The following AXDND1 variants were observed in gnomAD, a reference collection of about 807,000 sequenced individuals.
AXDND1 encodes axonemal dynein light chain domain containing 1, also known as axonemal dynein light chain domain-containing protein 1.
AXDND1 carries 110 observed loss-of-function variants against 137.5 expected under a neutral mutation model. The ratio of observed to expected loss-of-function variants is 0.80; its 90% CI spans 0.69 to 0.94. The LOEUF is 0.94. AXDND1 is among the 40% of genes least tolerant of loss of function. AXDND1 has a pLI of 0.00. For missense variants in AXDND1, 1,191 were observed against 1,169.8 expected, an observed-to-expected ratio of 1.02 and a Z score of -0.26; for synonymous variants, 414 against 399.7, an observed-to-expected ratio of 1.04 and a Z score of -0.43.
At chr1:179,409,966 A>G (rs1400743309) in intron 11 of AXDND1, among the ~76,000 whole-genome samples, 3 of 151,730 alleles carry the variant, frequency 2.0e-5, no homozygotes, top group African/African-American at 7.3e-5. Flanking sequence ...TTTTGCTTTT[A>G]CTGTTAAATT....
At position 179,488,728 on chromosome 1, in the gene AXDND1, CTCTCTCTCTCTTTCTTTT is replaced by C. The variant is rs1666492231; in HGVS notation, c.2092-2808_2092-2791del. On this transcript the variant is annotated intron_variant, in intron 18 of 25. Transcript: ENST00000367618. Reference sequence around the variant, plus strand: ...TCTCTGTCTCTCTCTCTCTTTCTTTCTCTCTCTCTCTTTCTTTTTTTTTTGAAATGGAGTCTCGCTCTG... The same window carrying C: ...TCTCTGTCTCTCTCTCTCTTTCTTTCTTTTTTGAAATGGAGTCTCGCTCTG... 2.2e-5 allele frequency among the ~76,000 whole-genome samples: 2 copies of C among 91,878 alleles called. 1 individual carries two copies. The highest frequency in any genetic ancestry group is 8.0e-5 in the African/African-American group (2 of 25,066). The allele number at this position is 91,878 out of a possible 152,430, so 60.3% of individuals were successfully genotyped here. A position where few individuals can be genotyped will look rare whatever the true frequency, so the allele number is the denominator to read the frequency against.
chr1:179,456,913 C>G, intron 16 of AXDND1: 1 of 1,154,888 alleles, frequency 8.7e-7, no homozygotes, highest in Non-Finnish European at 1.3e-6. Flanking sequence ...CTTTTCTTGC[C>G]ACTGCCTCAG....
chr1:179,541,302 C>T (rs1384447908), intron 25 of AXDND1, among the ~76,000 whole-genome samples: 1 of 152,192 alleles, frequency 6.6e-6, no homozygotes, highest in African/African-American at 2.4e-5. Context: ...AGGCGACGCC[C>T]TGCCCTGCTT....
intron 6 of AXDND1, among the ~76,000 whole-genome samples, chr1:179,381,241 CA>C (rs2125085820): frequency 6.6e-6 from 1 of 151,506 alleles, no homozygotes; most frequent in African/African-American, 2.4e-5. Flanking sequence ...AGGGTTTCAC[CA>C]TGTTAGCCAA....
intron 21 of AXDND1, among the ~76,000 whole-genome samples, chr1:179,524,249 T>C (rs1558302367): frequency 6.6e-6 from 1 of 152,228 alleles, no homozygotes; most frequent in Non-Finnish European, 1.5e-5. Flanking sequence ...TACTTTTAGT[T>C]CTTTAAGGAA....
At chr1:179,472,020 G>A (rs12139969) in intron 17 of AXDND1, among the ~76,000 whole-genome samples, 698 of 151,732 alleles carry the variant, frequency 4.6e-3, no homozygotes, top group Admixed American at 6.6e-3. Flanking sequence ...TCAGCCTCCC[G>A]AGTAGCTGGG....
chr1:179,370,981 C>A (rs1242420367), intron 4 of AXDND1, among the ~76,000 whole-genome samples: 1 of 152,176 alleles, frequency 6.6e-6, no homozygotes, highest in Non-Finnish European at 1.5e-5. Context: ...GAAACTTGTC[C>A]TATTGATTTT....
intron 9 of AXDND1, among the ~76,000 whole-genome samples, chr1:179,389,491 C>G (rs11807559): frequency 0.29 from 44,210 of 151,870 alleles, 6,635 homozygotes; most frequent in Non-Finnish European, 0.31. Flanking sequence ...GTATGTGCTC[C>G]CTTCTGGAAT....
chr1:179,462,548 A>T (rs1471719818), intron 16 of AXDND1, among the ~76,000 whole-genome samples: 1 of 152,176 alleles, frequency 6.6e-6, no homozygotes, highest in Admixed American at 6.5e-5. Context: ...TATCAGGATG[A>T]TTCTGGCCTC....
At chr1:179,439,284 C>G (rs1363520549) in intron 15 of AXDND1, among the ~76,000 whole-genome samples, 1 of 152,146 alleles carries the variant, frequency 6.6e-6, no homozygotes, top group Non-Finnish European at 1.5e-5. Flanking sequence ...TTAATAGAAC[C>G]AAGACCTAAT....
intron 16 of AXDND1, chr1:179,449,536 T>C (rs953363536): frequency 2.6e-5 from 4 of 153,660 alleles, no homozygotes; most frequent in African/African-American, 9.6e-5. Flanking sequence ...ATAATCAGCT[T>C]ATCAATTTCT....
At chr1:179,533,365 A>G (rs1671203707) in intron 23 of AXDND1, among the ~76,000 whole-genome samples, 1 of 152,186 alleles carries the variant, frequency 6.6e-6, no homozygotes, top group South Asian at 2.1e-4. Context: ...TAACGACTTC[A>G]TTGGATTTTG....
At chr1:179,366,747 A>G (rs1251987952) in intron 2 of AXDND1, 141 bp downstream of exon 2, 3 of 671,374 alleles carry the variant, frequency 4.5e-6, no homozygotes, top group Non-Finnish European at 7.6e-6. Context: ...AAATAAAGCA[A>G]GAAGTCATTC....
chr1:179,385,507 T>C lies in AXDND1; in HGVS notation c.863+148T>C, dbSNP rs1649056781. On this transcript the variant is annotated intron_variant, in intron 9 of 25. Transcript: ENST00000367618. ...AACTGCATTTTTTTTTCTTTTTTGT[T>C]AATATATGGAAAGGGTCTATAGCTT... The C allele has an allele frequency of 1.1e-5, 10 of 905,546 alleles. No homozygotes were observed. The East Asian group carries it at 2.6e-4, about 23-fold the overall frequency. 56.1% of individuals were successfully genotyped at this position (905,546 alleles called of 1,614,324 possible).
rs77833559 is a variant in AXDND1 at position 179,441,143 on chromosome 1, C to G, written c.1564-3827C>G. On this transcript the variant is annotated intron_variant, in intron 15 of 25. Transcript: ENST00000367618. The stretch of plus-strand genomic sequence containing the variant: ...GGGGCCCAAGTCCAGGCCCTTGTCT[C>G]GTTACCCGGCAGGAGAGTGCCATTC... Among the ~76,000 whole-genome samples the G allele has an allele frequency of 5.2e-3, 792 of 152,264 alleles. 8 individuals carry two copies. Among genetic ancestry groups the G allele is most frequent in the African/African-American group, 0.018 (749 of 41,534 alleles).
chr1:179,534,593 T>C, intron 24 of AXDND1, 137 bp from the exon 25 acceptor site: 25 of 1,114,116 alleles, frequency 2.2e-5, no homozygotes, highest in Non-Finnish European at 2.9e-5. Context: ...CAGTTAATCA[T>C]TGATGCTGTT....
chr1:179,509,807 T>G (rs1668860280), intron 21 of AXDND1, among the ~76,000 whole-genome samples: 1 of 148,864 alleles, frequency 6.7e-6, no homozygotes, highest in African/African-American at 2.4e-5. Context: ...GCCTCTTTAA[T>G]ATCTTCTCTA....
intron 16 of AXDND1, among the ~76,000 whole-genome samples, chr1:179,461,397 T>A (rs923812622): frequency 5.3e-5 from 8 of 152,130 alleles, no homozygotes; most frequent in African/African-American, 1.9e-4. Context: ...TCTGTCCTGT[T>A]CCATTGGTCT....
At chr1:179,548,920 A>G (rs769206428) in intron 25 of AXDND1, 13 of 152,192 alleles carry the variant, frequency 8.5e-5, no homozygotes, top group Admixed American at 4.6e-4. Flanking sequence ...CTGCTTGCAT[A>G]ATAAATTCAG....
Sources: gnomAD v4.1 joint callset for allele counts (sites outside exome capture counted in the v4.1 genomes callset) on GRCh38, gnomAD v4.1.1 for gene constraint, MANE v1.5 for transcripts, NCBI Gene and HGNC (gene_info 2026-07-23, HGNC 2026-07-21) for gene names.